CDH4: variants seen among roughly 807,000 people sequenced by gnomAD.
CDH4 encodes cadherin-4.
CDH4 carries 33 observed loss-of-function variants against 86.0 expected under a neutral mutation model. That is an observed-to-expected ratio of 0.38 (90% CI 0.29 to 0.51). The LOEUF (loss-of-function observed/expected upper bound fraction) is 0.51, where lower values mean the gene tolerates loss of function less well. Among genes scored for constraint, CDH4 ranks in the 20% least tolerant of loss-of-function variants. The pLI, the probability that CDH4 is intolerant of heterozygous loss-of-function variation, is 0.86. For missense variants in CDH4, 1,114 were observed against 1,307.4 expected (o/e 0.85, Z 2.28); for synonymous variants, 555 against 549.4 (o/e 1.01, Z -0.14).
At position 61,753,635 on chromosome 20, in the gene CDH4, T is replaced by A. The variant is rs953450698; in HGVS notation, c.396+9846T>A. Among the ~76,000 whole-genome samples, 3 of 152,210 alleles carry A rather than the reference T, an allele frequency of 2.0e-5. No homozygotes were observed. In the East Asian group the frequency reaches 5.8e-4, roughly 29 times the overall value. ...AGACCAAGCTCTCACCCAGTTGTCA[T>A]CTGACTAGCTGCTGCAGCACTGAAA... On this transcript the variant is annotated intron_variant, in intron 3 of 15. Transcript: ENST00000614565.
At chr20:61,677,325 C>T (rs1256369587) in intron 2 of CDH4, among the ~76,000 whole-genome samples, 1 of 152,170 alleles carries the variant, frequency 6.6e-6, no homozygotes, top group Non-Finnish European at 1.5e-5. Flanking sequence ...ACGAGCAGCG[C>T]CATTTGCAGG....
chr20:61,485,061 G>T (rs895841244), intron 2 of CDH4, among the ~76,000 whole-genome samples: 1 of 151,964 alleles, frequency 6.6e-6, no homozygotes, highest in Non-Finnish European at 1.5e-5. Context: ...CCTTTCCAAC[G>T]GCAGCTTCAT....
chr20:61,638,332 T>C (rs150209412), intron 2 of CDH4, among the ~76,000 whole-genome samples: 1 of 152,246 alleles, frequency 6.6e-6, no homozygotes, highest in African/African-American at 2.4e-5. Flanking sequence ...GAAATGAGAT[T>C]TGTGTGGTGG....
chr20:61,750,833 G>A lies in CDH4; in HGVS notation c.396+7044G>A, dbSNP rs149156785. Among the ~76,000 whole-genome samples the A allele has an allele frequency of 3.8e-3, 576 of 152,268 alleles. 1 individual carries two copies. Among genetic ancestry groups the A allele is most frequent in the African/African-American group, 0.013 (535 of 41,546 alleles). On this transcript the variant is annotated intron_variant, in intron 3 of 15. Transcript: ENST00000614565. ...AATAGTTGTACTTCTATGTACCAGG[G>A]ATAAATCCTTAGAAAATAAAATCTG... is the stretch of plus-strand genomic sequence containing the variant.
Position 61,377,835 on chromosome 20 carries a change from T to G in CDH4, c.169+122898T>G. ...CTTAGAAGGCTGGAGGCCTGTCCTC[T>G]GTAGCAGAAGGGAGATCAATGCAGC... On this transcript the variant is annotated intron_variant, in intron 2 of 15. Coordinates refer to ENST00000614565, the MANE Select transcript of CDH4 (RefSeq NM_001794.5). The surrounding 1 kb of genome is among the most constrained non-coding windows in gnomAD (Gnocchi z 4.0). Among the ~76,000 whole-genome samples, 1 of 152,256 alleles carries G rather than the reference T, an allele frequency of 6.6e-6. No individual in the cohort carries two copies. The highest frequency in any genetic ancestry group is 1.5e-5 in the Non-Finnish European group (1 of 68,048).
In CDH4 at chr20:61,565,315, GGCGGTGCTCTTGGTGATGGTGGTA is replaced by G. The variant is rs1466017855; in HGVS notation, c.170-178246_170-178223del. On this transcript the variant is annotated intron_variant, in intron 2 of 15. Transcript: ENST00000614565. ...TGGTGGTGGCGGTGCTCTTGGTGGT[GGCGGTGCTCTTGGTGATGGTGGTA>G]GTGGTCCTCTTGGTGATGGGGTGAT... Among the ~76,000 whole-genome samples the G allele has an allele frequency of 1.2e-4, 11 of 88,336 alleles. 3 individuals are homozygous for G. 58.0% of individuals were successfully genotyped at this position (88,336 alleles called of 152,430 possible). A position where few individuals can be genotyped will look rare whatever the true frequency, so the allele number is the denominator to read the frequency against.
intron 2 of CDH4, among the ~76,000 whole-genome samples, chr20:61,285,418 C>T (rs531359640): frequency 3.9e-5 from 6 of 152,192 alleles, no homozygotes; most frequent in Admixed American, 6.5e-5. Context: ...AGGGGCAGGA[C>T]GGGTCCGAGG....
At chr20:61,832,352 C>T (rs1981663079) in intron 4 of CDH4, among the ~76,000 whole-genome samples, 1 of 152,176 alleles carries the variant, frequency 6.6e-6, no homozygotes, top group Non-Finnish European at 1.5e-5. Flanking sequence ...TATGAATGGC[C>T]TTGTCTGTAT....
At chr20:61,706,827 TC>T (rs891161225) in intron 2 of CDH4, among the ~76,000 whole-genome samples, 1 of 152,162 alleles carries the variant, frequency 6.6e-6, no homozygotes, top group African/African-American at 2.4e-5. Flanking sequence ...CATGTGACCG[TC>T]AGCATCCGAC....
chr20:61,561,417 A>G (rs754372603), intron 2 of CDH4, among the ~76,000 whole-genome samples: 6 of 152,260 alleles, frequency 3.9e-5, no homozygotes, highest in Non-Finnish European at 8.8e-5. Flanking sequence ...TCCCAGCCAC[A>G]TGGCGGGTGC....
intron 4 of CDH4, among the ~76,000 whole-genome samples, chr20:61,839,066 C>A (rs1419603090): frequency 6.6e-6 from 1 of 152,180 alleles, no homozygotes; most frequent in South Asian, 2.1e-4. Context: ...ATCTGTTTTC[C>A]TGGGAACATC....
chr20:61,731,820 G>A (rs554500000), intron 2 of CDH4, among the ~76,000 whole-genome samples: 46 of 152,234 alleles, frequency 3.0e-4, no homozygotes, highest in East Asian at 1.7e-3. Flanking sequence ...TCCTCCACCC[G>A]ACTGTCACCC....
chr20:61,572,180 C>G (rs1287919994), intron 2 of CDH4, among the ~76,000 whole-genome samples: 1 of 152,120 alleles, frequency 6.6e-6, no homozygotes, highest in Non-Finnish European at 1.5e-5. Context: ...GGGCTTGGGG[C>G]CAGTCATATC....
chr20:61,491,053 A>G (rs2085623324), intron 2 of CDH4, among the ~76,000 whole-genome samples: 1 of 152,246 alleles, frequency 6.6e-6, no homozygotes. Flanking sequence ...GCCTTATTCA[A>G]GAATAACAGA....
In CDH4 at chr20:61,334,986, AAG is replaced by A. The variant is rs1189555250; in HGVS notation, c.169+80052_169+80053del. 4.6e-5 allele frequency among the ~76,000 whole-genome samples: 7 copies of A among 152,352 alleles called. No individual in the cohort carries two copies. In the South Asian group the frequency reaches 1.5e-3, roughly 32 times the overall value. ...GCCTGTCCTCCAAAGACTTCTCAGT[AAG>A]AGGCATTCTGCCTCTTAATAAGCAT... On this transcript the variant is annotated intron_variant, in intron 2 of 15. Transcript: ENST00000614565.
intron 2 of CDH4, chr20:61,570,098 T>G (rs1026992865): frequency 1.3e-5 from 2 of 152,578 alleles, no homozygotes; most frequent in African/African-American, 2.4e-5. Flanking sequence ...AAAATGAGCT[T>G]CTTGCCTAAA....
intron 2 of CDH4, among the ~76,000 whole-genome samples, chr20:61,400,949 C>T (rs2085046243): frequency 6.6e-6 from 1 of 152,228 alleles, no homozygotes; most frequent in South Asian, 2.1e-4. Context: ...CTGTATTCTG[C>T]TTTCTTCAGA....
intron 2 of CDH4, chr20:61,436,994 T>G (rs1025141190): frequency 7.9e-5 from 12 of 152,368 alleles, no homozygotes; most frequent in African/African-American, 2.9e-4. Context: ...TGCCCCCTCC[T>G]GCGTCCTAGC....
rs558061050 is a variant in CDH4, at chr20:61,279,685, G to A, written c.169+24748G>A. On this transcript the variant is annotated intron_variant, in intron 2 of 15. Coordinates refer to ENST00000614565, the MANE Select transcript of CDH4 (RefSeq NM_001794.5). ...GCAGAGGACATTGTTTCCCGGGAAC[G>A]TAGACATGGCCCATCCTTCCAATTT... Among the ~76,000 whole-genome samples the A allele has an allele frequency of 3.3e-5, 5 of 152,162 alleles. No homozygotes were observed. In the South Asian group the frequency reaches 6.2e-4, roughly 19 times the overall value.
Sources: gnomAD v4.1 joint callset for allele counts (sites outside exome capture counted in the v4.1 genomes callset) on GRCh38, gnomAD v4.1.1 for gene constraint, Gnocchi (gnomAD v3.1) non-coding constraint, MANE v1.5 for transcripts, NCBI Gene and HGNC (gene_info 2026-07-23, HGNC 2026-07-21) for gene names.